Variants in MFN1 observed in about 807,000 individuals in gnomAD.
MFN1 encodes mitofusin 1.
In MFN1, 65 loss-of-function variants were observed where a neutral mutation model predicts 92.4. That is an observed-to-expected ratio of 0.70 (90% CI 0.58 to 0.86). The LOEUF is 0.86. Among genes scored for constraint, MFN1 ranks in the 40% least tolerant of loss-of-function variants. The pLI is 0.00. For missense variants in MFN1, 781 were observed against 868.0 expected (o/e 0.90, Z 1.26); for synonymous variants, 297 against 300.9 (o/e 0.99, Z 0.13).
chr3:179,376,556 A>G (rs1408998600), intron 10 of MFN1, among the ~76,000 whole-genome samples: 1 of 152,180 alleles, frequency 6.6e-6, no homozygotes, highest in Non-Finnish European at 1.5e-5. Context: ...GCCAGATAGT[A>G]AATATTCTAG....
In MFN1 at chr3:179,358,840, G is replaced by C; in HGVS notation, c.249G>C (p.Arg83Ser). ...TTTCATGATTTTGTATATTCTTCAG[G>C]ACAAGCAGTGGGAAGAGCTCTGTTA... ...RRHMKVAFFG[R>S]TSSGKSSVIN... is the part of the protein sequence containing the mutation. Residue 83 changes from arginine to serine, a missense_variant and splice_region_variant, in exon 4 of 18, where the codon AGG becomes AGC. Arg to Ser is a moderately radical substitution (Grantham distance 110). Coordinates refer to ENST00000471841, the MANE Select transcript of MFN1 (RefSeq NM_033540.3). 6.2e-7 allele frequency: 1 copy of C among 1,610,010 alleles called. No individual in the cohort carries two copies. Among genetic ancestry groups the C allele is most frequent in the Non-Finnish European group, 8.5e-7 (1 of 1,178,368 alleles).
At chr3:179,351,495 G>A (rs1207630641) in intron 2 of MFN1, among the ~76,000 whole-genome samples, 2 of 152,192 alleles carry the variant, frequency 1.3e-5, no homozygotes, top group Admixed American at 6.5e-5. Flanking sequence ...CTTAATTTCT[G>A]AGGGGCTCCT....
At chr3:179,356,017 G>T (rs965312980) in intron 3 of MFN1, among the ~76,000 whole-genome samples, 6 of 147,248 alleles carry the variant, frequency 4.1e-5, no homozygotes, top group East Asian at 1.9e-4. Context: ...GGTATAAAAA[G>T]AAATATATTT....
intron 4 of MFN1, 110 bp downstream of exon 4, chr3:179,359,112 A>G: frequency 8.1e-7 from 1 of 1,239,752 alleles, no homozygotes; most frequent in Non-Finnish European, 1.1e-6. Context: ...TATAAAAAGA[A>G]CTGTTAATAT....
intron 10 of MFN1, 84 bp downstream of exon 10, chr3:179,375,425 AT>A: frequency 6.6e-7 from 1 of 1,522,218 alleles, no homozygotes; most frequent in Non-Finnish European, 9.0e-7. Flanking sequence ...TTGTTGTACT[AT>A]AAATACTTTT....
chr3:179,356,557 A>G (rs1402716558), intron 3 of MFN1, among the ~76,000 whole-genome samples: 1 of 152,184 alleles, frequency 6.6e-6, no homozygotes. Context: ...ATGCATGTGG[A>G]AAAATCCCCA....
chr3:179,364,270 A>T, intron 5 of MFN1, 27 bp from the exon 6 acceptor site: 1 of 1,501,704 alleles, frequency 6.7e-7, no homozygotes, highest in Non-Finnish European at 9.0e-7. Flanking sequence ...AAGAAATATA[A>T]TACAATTTTT....
intron 14 of MFN1, among the ~76,000 whole-genome samples, chr3:179,382,750 T>C (rs1180237267): frequency 1.3e-5 from 2 of 152,234 alleles, no homozygotes; most frequent in Non-Finnish European, 2.9e-5. Flanking sequence ...CCTGACTTTG[T>C]AATGATTGCC....
At chr3:179,371,959 GTA>G in intron 9 of MFN1, among the ~76,000 whole-genome samples, 1 of 150,376 alleles carries the variant, frequency 6.6e-6, no homozygotes, top group East Asian at 1.9e-4. Context: ...TAATACATAA[GTA>G]TATATAAAAA....
At chr3:179,381,202 C>G (rs1713453412) in intron 14 of MFN1, among the ~76,000 whole-genome samples, 4 of 152,106 alleles carry the variant, frequency 2.6e-5, no homozygotes, top group Admixed American at 2.6e-4. Flanking sequence ...CATAACAGAA[C>G]AAGAAATAGG....
chr3:179,394,919 T>C lies in MFN1; in HGVS notation c.*2860T>C, dbSNP rs947851578. 1 of 152,230 alleles carries C rather than the reference T, an allele frequency of 6.6e-6. No individual in the cohort carries two copies. The allele number at this position is 152,230 out of a possible 1,614,324, so 9.4% of individuals were successfully genotyped here. On this transcript the variant is annotated 3_prime_UTR_variant, in exon 18 of 18. Coordinates refer to ENST00000471841, the MANE Select transcript of MFN1 (RefSeq NM_033540.3). ...AAGCTTGCAAGATGAAAATAAAACCTGTTTGCCTGATAGTTGACAAATGTA... is the reference window on the plus strand; with the variant it reads ...AAGCTTGCAAGATGAAAATAAAACCCGTTTGCCTGATAGTTGACAAATGTA...
chr3:179,368,149 G>T, intron 9 of MFN1, 46 bp downstream of exon 9: 1 of 1,392,014 alleles, frequency 7.2e-7, no homozygotes, highest in Non-Finnish European at 9.7e-7. Flanking sequence ...CTCTTTCTTT[G>T]GTTGGAGAAA....
chr3:179,354,231 A>G (rs1157485406), intron 3 of MFN1, among the ~76,000 whole-genome samples: 1 of 152,200 alleles, frequency 6.6e-6, no homozygotes, highest in Non-Finnish European at 1.5e-5. Context: ...CCAAAAGCTC[A>G]TTTCTTGCAG....
At chr3:179,388,756 T>G (rs1713792808) in intron 16 of MFN1, among the ~76,000 whole-genome samples, 1 of 152,250 alleles carries the variant, frequency 6.6e-6, no homozygotes, top group African/African-American at 2.4e-5. Context: ...GAACATGCTG[T>G]ATCGGAAGAT....
intron 17 of MFN1, 58 bp from the exon 18 acceptor site, chr3:179,391,923 T>C (rs1713915783): frequency 9.6e-7 from 1 of 1,039,932 alleles, no homozygotes; most frequent in African/African-American, 1.6e-5. Context: ...ATGGATGGAA[T>C]GCATTTTTCT....
At chr3:179,370,415 T>TTTTTTTTTTTA (rs1712977506) in intron 9 of MFN1, among the ~76,000 whole-genome samples, 1 of 136,026 alleles carries the variant, frequency 7.4e-6, no homozygotes, top group African/African-American at 2.9e-5. Flanking sequence ...TTTTTTTTTT[T>TTTTTTTTTTTA]GAGACAGAGT....
At chr3:179,382,755 A>G (rs1713520670) in intron 14 of MFN1, among the ~76,000 whole-genome samples, 1 of 152,152 alleles carries the variant, frequency 6.6e-6, no homozygotes. Flanking sequence ...CTTTGTAATG[A>G]TTGCCATTCT....
intron 16 of MFN1, among the ~76,000 whole-genome samples, chr3:179,388,634 TAAGAGA>T (rs1285070657): frequency 6.6e-6 from 1 of 152,084 alleles, no homozygotes; most frequent in Non-Finnish European, 1.5e-5. Flanking sequence ...ATAAGAAATA[TAAGAGA>T]AAGAGAAACC....
In MFN1 at chr3:179,358,444, C is replaced by T. The variant is rs142296772; in HGVS notation, c.249-396C>T. 1.3e-3 allele frequency among the ~76,000 whole-genome samples: 203 copies of T among 152,256 alleles called. 1 individual carries two copies. The highest frequency in any genetic ancestry group is 4.5e-3 in the African/African-American group (189 of 41,550). ...CTGGGATTACAGGCGTGAGCCACTG[C>T]GCCTGGCCACCCACTGTCACTTCTG... On this transcript the variant is annotated intron_variant, in intron 3 of 17. Transcript: ENST00000471841.
Sources: allele counts gnomAD v4.1 joint callset (sites outside exome capture counted in the v4.1 genomes callset), GRCh38; gene constraint gnomAD v4.1.1; transcripts MANE v1.5; gene names NCBI Gene and HGNC (gene_info 2026-07-23, HGNC 2026-07-21).